TONSL: variants seen among roughly 807,000 people sequenced by gnomAD.
TONSL encodes the protein tonsoku-like protein.
Under a neutral mutation model 147.1 loss-of-function variants are expected in TONSL, and 112 were observed. The ratio of observed to expected loss-of-function variants is 0.76; its 90% CI spans 0.65 to 0.89. TONSL has a LOEUF of 0.89. TONSL is among the 40% of genes least tolerant of loss of function. TONSL has a pLI of 0.00. For missense variants in TONSL, 1,883 were observed against 1,864.6 expected (o/e 1.01, Z -0.18); for synonymous variants, 868 against 801.5 (o/e 1.08, Z -1.40).
chr8:144,443,548 A>G (rs1043234295), intron 3 of TONSL, among the ~76,000 whole-genome samples: 2 of 150,100 alleles, frequency 1.3e-5, no homozygotes, highest in African/African-American at 5.1e-5. Context: ...GGGGAGGGGC[A>G]GCTGGGAGTT....
chr8:144,433,962 C>T lies in TONSL; in HGVS notation c.3387+16G>A. 1 of 1,551,246 alleles carries T rather than the reference C, an allele frequency of 6.4e-7. No individual in the cohort carries two copies. The highest frequency in any genetic ancestry group is 1.2e-5 in the South Asian group (1 of 82,386). ...ACTCCCCGCTGTTGAGGGCCTGCTG[C>T]TCTCTGTGCCTATACCTGCAAGGTG... is the stretch of plus-strand genomic sequence containing the variant. On this transcript the variant is annotated intron_variant, in intron 21 of 25. Coordinates refer to ENST00000409379, the MANE Select transcript of TONSL (RefSeq NM_013432.5).
At position 144,430,477 on chromosome 8, in the gene TONSL, G is replaced by A. The variant is rs34999346; in HGVS notation, c.3870C>T (p.Ser1290=). The A allele has an allele frequency of 0.011, 17,312 of 1,613,506 alleles. 130 individuals are homozygous for A. Among genetic ancestry groups the A allele is most frequent in the Non-Finnish European group, 0.013 (14,984 of 1,179,710 alleles). Residue 1290 remains serine (S), a synonymous_variant, in exon 25 of 26, where the codon AGC becomes AGT. Transcript: ENST00000409379. Reference sequence around the variant, plus strand: ...ACAGGAGCTCTTCCAAGCTGGCACAGCTGATCTCAGGGTTGGCAGACAGAT... The same window carrying A: ...ACAGGAGCTCTTCCAAGCTGGCACAACTGATCTCAGGGTTGGCAGACAGAT... ...SLDLSANPEI[S]CASLEELLST...
At position 144,443,122 on chromosome 8, in the gene TONSL, G is replaced by C. The variant is rs545767023; in HGVS notation, c.448+16C>G. 1.9e-6 allele frequency: 3 copies of C among 1,545,516 alleles called. No individual in the cohort carries two copies. The highest frequency in any genetic ancestry group is 2.6e-6 in the Non-Finnish European group (3 of 1,142,926). On this transcript the variant is annotated intron_variant, in intron 4 of 25. Coordinates refer to ENST00000409379, the MANE Select transcript of TONSL (RefSeq NM_013432.5). ...CCGAAGTTCAGGAGGCAGAAAACGC[G>C]GAGGGGTCTGCCCACCCTCCAGCTC...
In TONSL at chr8:144,430,432, G is replaced by C; in HGVS notation, c.3915C>G (p.Pro1305=). ...ACAGGCCAAGGAAGCTAAGGCCTTG[G>C]GGCCGCTTTTGGAGGGTGGACAGGA... ...EELLSTLQKR[P]QGLSFLGLSG... The change falls in exon 25 of 26, where the codon CCC becomes CCG. Residue 1305 remains proline (P), a synonymous_variant. Transcript: ENST00000409379. 1.2e-6 allele frequency: 2 copies of C among 1,611,858 alleles called. No individual in the cohort carries two copies. Among genetic ancestry groups the C allele is most frequent in the Non-Finnish European group, 1.7e-6 (2 of 1,179,040 alleles).
intron 13 of TONSL, chr8:144,438,182 T>C: frequency 4.1e-6 from 2 of 490,906 alleles, no homozygotes; most frequent in Non-Finnish European, 7.4e-6. Context: ...ATTACAGGCA[T>C]AAGCCACCCC....
At chr8:144,430,078 C>T (rs1191966519) in intron 25 of TONSL, among the ~76,000 whole-genome samples, 1 of 152,200 alleles carries the variant, frequency 6.6e-6, no homozygotes, top group Non-Finnish European at 1.5e-5. Context: ...TTTCAACACC[C>T]TGACCTTGGG....
chr8:144,442,026 C>T lies in TONSL; in HGVS notation c.865+11G>A. On this transcript the variant is annotated intron_variant, in intron 7 of 25. Coordinates refer to ENST00000409379, the MANE Select transcript of TONSL (RefSeq NM_013432.5). ...CACCTCCCAGGGCCCCATTCGCACCCCCAGGCTCACCATGCTGGAGGTTCT... is the reference window on the plus strand; with the variant it reads ...CACCTCCCAGGGCCCCATTCGCACCTCCAGGCTCACCATGCTGGAGGTTCT... 1 of 1,611,384 alleles carries T rather than the reference C, an allele frequency of 6.2e-7. No individual in the cohort carries two copies. The highest frequency in any genetic ancestry group is 8.5e-7 in the Non-Finnish European group (1 of 1,179,016).
At chr8:144,438,288 A>G (rs1361628863) in intron 13 of TONSL, 183 bp downstream of exon 13, 6 of 628,372 alleles carry the variant, frequency 9.5e-6, no homozygotes, top group Middle Eastern at 4.3e-4. Flanking sequence ...TGCAGCCTCA[A>G]TCTCCCTCCC....
rs1455576766 is a variant in TONSL, at chr8:144,429,123, G to A, written c.*20C>T. On this transcript the variant is annotated 3_prime_UTR_variant, in exon 26 of 26. Transcript: ENST00000409379. ...ATTTATTAGGGGCTTCGGTGAGGGT[G>A]GGGAAAGGCAGCGCCAGGGTCAGAG... 7 of 1,512,830 alleles carry A rather than the reference G, an allele frequency of 4.6e-6. No homozygotes were observed. Among genetic ancestry groups the A allele is most frequent in the African/African-American group, 2.8e-5 (2 of 71,164 alleles). 93.7% of individuals were successfully genotyped at this position (1,512,830 alleles called of 1,614,324 possible).
Position 144,438,520 on chromosome 8 carries a change from C to T in TONSL, c.1604G>A (p.Arg535Gln), listed in dbSNP as rs896248194. 1.9e-5 allele frequency: 30 copies of T among 1,612,884 alleles called. No homozygotes were observed. The highest frequency in any genetic ancestry group is 2.4e-5 in the Non-Finnish European group (28 of 1,179,896). Residue 535 changes from arginine to glutamine, a missense_variant, in exon 13 of 26, where the codon CGA (arginine) becomes CAA (glutamine). Physicochemically the swap from Arg to Gln is conservative, Grantham distance 43. Coordinates refer to ENST00000409379, the MANE Select transcript of TONSL (RefSeq NM_013432.5). ...GCGCAGCTGGCCCTCGATGCAGGCT[C>T]GGTGCAGCAGGGTCTCCCCCATGTC... ...RNDMGETLLH[R>Q]ACIEGQLRRV...
Position 144,436,202 on chromosome 8 carries a change from G to A in TONSL, c.2231C>T (p.Ser744Leu). Residue 744 changes from serine to leucine, a missense_variant, in exon 17 of 26, where the codon TCA becomes TTA. Ser to Leu is a moderately radical substitution (Grantham distance 145). Coordinates refer to ENST00000409379, the MANE Select transcript of TONSL (RefSeq NM_013432.5). ...GGGGCCTGCGCTGTCCTCGCCTTCTGAGCTGCTGCTGCTGCTGGCTGGCCC... is the reference window on the plus strand; with the variant it reads ...GGGGCCTGCGCTGTCCTCGCCTTCTAAGCTGCTGCTGCTGCTGGCTGGCCC... The part of the protein sequence containing the change: ...RHGPASSSSS[S>L]EGEDSAGPAR... The A allele has an allele frequency of 2.5e-6, 4 of 1,570,298 alleles. No individual in the cohort carries two copies. The highest frequency in any genetic ancestry group is 2.6e-6 in the Non-Finnish European group (3 of 1,161,232).
Position 144,440,775 on chromosome 8 carries a change from A to T in TONSL, c.1107T>A (p.His369Gln). ...ATTLGDMKDH[H>Q]GAVRHYEEEL... ...CCTCCTCATAGTGGCGCACGGCCCC[A>T]TGGTGGTCCTTCATGTCTCCCAGTG... The change falls in exon 9 of 26, where the codon CAT (histidine) becomes CAA (glutamine). Residue 369 changes from histidine (H) to glutamine (Q), a missense_variant. His to Gln is a conservative substitution (Grantham distance 24). Transcript: ENST00000409379. 6.2e-7 allele frequency: 1 copy of T among 1,612,852 alleles called. No homozygotes were observed. The highest frequency in any genetic ancestry group is 8.5e-7 in the Non-Finnish European group (1 of 1,179,964).
rs953856679 is a variant in TONSL, at chr8:144,431,103, C to T, written c.3784G>A (p.Asp1262Asn). The change falls in exon 24 of 26, where the codon GAC (aspartate) becomes AAC (asparagine). Residue 1262 changes from aspartate to asparagine, a missense_variant. Physicochemically the swap from Asp to Asn is conservative, Grantham distance 23. Transcript: ENST00000409379. ...HLTLSANHLGDKAVRDLCRCL... is the reference protein window; with the variant it reads ...HLTLSANHLGNKAVRDLCRCL... ...CTGCACAGGTCTCTAACAGCCTTGTCCCCCAGGTGGTTTGCAGACAGGGTC... is the reference window on the plus strand; with the variant it reads ...CTGCACAGGTCTCTAACAGCCTTGTTCCCCAGGTGGTTTGCAGACAGGGTC... 1.3e-5 allele frequency: 21 copies of T among 1,614,026 alleles called. No individual in the cohort carries two copies. The highest frequency in any genetic ancestry group is 1.6e-5 in the Non-Finnish European group (19 of 1,180,000).
rs1286112295 is a variant in TONSL, at chr8:144,444,408, G to C, written c.7C>G (p.Leu3Val). The C allele has an allele frequency of 4.9e-5, 62 of 1,265,140 alleles. No individual in the cohort carries two copies. Among genetic ancestry groups the C allele is most frequent in the Non-Finnish European group, 5.7e-5 (57 of 1,003,736 alleles). The allele number at this position is 1,265,140 out of a possible 1,614,324, so 78.4% of individuals were successfully genotyped here. ...AACTTACGGCGAAGCTCGCGCTCCA[G>C]GCTCATGCTCGGATCGCCGCGGGAT... is the stretch of plus-strand genomic sequence containing the variant. The part of the protein sequence containing the change: MS[L>V]ERELRQLSKA... The change falls in exon 1 of 26, where the codon CTG (leucine) becomes GTG (valine). Residue 3 changes from leucine to valine, a missense_variant. Coordinates refer to ENST00000409379, the MANE Select transcript of TONSL (RefSeq NM_013432.5).
chr8:144,436,028 G>C lies in TONSL; in HGVS notation c.2405C>G (p.Ala802Gly). 1.3e-6 allele frequency: 2 copies of C among 1,566,186 alleles called. No individual in the cohort carries two copies. Among genetic ancestry groups the C allele is most frequent in the Non-Finnish European group, 1.7e-6 (2 of 1,160,808 alleles). Residue 802 changes from alanine to glycine, a missense_variant, in exon 17 of 26, where the codon GCT becomes GGT. By Grantham distance (60) the Ala-to-Gly change is moderately conservative (BLOSUM62 0). Coordinates refer to ENST00000409379, the MANE Select transcript of TONSL (RefSeq NM_013432.5). ...TGGGCCAGGCCCCAGCCGGCTCTGAGCACTGCCCACACCCCGGATGGCTGC... is the reference window on the plus strand; with the variant it reads ...TGGGCCAGGCCCCAGCCGGCTCTGACCACTGCCCACACCCCGGATGGCTGC... ...YQAAIRGVGS[A>G]QSRLGPGPPR...
In TONSL at chr8:144,433,752, T is replaced by G; in HGVS notation, c.3395A>C (p.Glu1132Ala). 6.3e-7 allele frequency: 1 copy of G among 1,577,406 alleles called. No homozygotes were observed. Among genetic ancestry groups the G allele is most frequent in the Non-Finnish European group, 8.6e-7 (1 of 1,162,540 alleles). ...GGGGTTCATGCTTAAGTCCAGCTCC[T>G]CCAAACTCTGTGGAAGACACAGGCT... ...LPGQATLQSLEELDLSMNPLG... is the reference protein window; with the variant it reads ...LPGQATLQSLAELDLSMNPLG... Residue 1132 changes from glutamate to alanine, a missense_variant, in exon 22 of 26, where the codon GAG (glutamate) becomes GCG (alanine). Physicochemically the swap from Glu to Ala is moderately radical, Grantham distance 107. Coordinates refer to ENST00000409379, the MANE Select transcript of TONSL (RefSeq NM_013432.5).
chr8:144,431,716 T>C (rs1554878704), intron 23 of TONSL, among the ~76,000 whole-genome samples: 1 of 151,948 alleles, frequency 6.6e-6, no homozygotes, highest in Non-Finnish European at 1.5e-5. Context: ...TGTTTCACCA[T>C]GTTAGCCAGG....
intron 25 of TONSL, among the ~76,000 whole-genome samples, 167 bp from the exon 26 acceptor site, chr8:144,429,503 G>A (rs1823083747): frequency 6.6e-6 from 1 of 152,218 alleles, no homozygotes; most frequent in African/African-American, 2.4e-5. Context: ...AGGAAGGGGT[G>A]GGATCATCTG....
chr8:144,439,816 T>C, intron 11 of TONSL: 1 of 551,760 alleles, frequency 1.8e-6, no homozygotes, highest in Non-Finnish European at 3.2e-6. Flanking sequence ...TCCCAACCAC[T>C]GTCTCCTCCA....
Sources: gnomAD v4.1 joint callset for allele counts (sites outside exome capture counted in the v4.1 genomes callset) on GRCh38, gnomAD v4.1.1 for gene constraint, MANE v1.5 for transcripts, NCBI Gene and HGNC (gene_info 2026-07-23, HGNC 2026-07-21) for gene names.